STIMATE: variants seen among roughly 807,000 people sequenced by gnomAD.
STIMATE encodes store-operated calcium entry regulator STIMATE.
STIMATE carries 15 observed loss-of-function variants against 36.7 expected under a neutral mutation model. The ratio of observed to expected loss-of-function variants is 0.41; its 90% CI spans 0.27 to 0.63. The LOEUF (loss-of-function observed/expected upper bound fraction) is 0.63, where lower values mean the gene tolerates loss of function less well. Among genes scored for constraint, STIMATE ranks in the 20% least tolerant of loss-of-function variants. The pLI is 0.32. For missense variants in STIMATE, 305 were observed against 397.3 expected, an observed-to-expected ratio of 0.77 and a Z score of 1.98; for synonymous variants, 163 against 162.3, an observed-to-expected ratio of 1.00 and a Z score of -0.03.
At chr3:52,842,504 C>T (rs1700814263) in intron 7 of STIMATE, among the ~76,000 whole-genome samples, 1 of 152,246 alleles carries the variant, frequency 6.6e-6, no homozygotes, top group South Asian at 2.1e-4. Flanking sequence ...CTTGCCAGCT[C>T]ACCAAACAAG....
intron 1 of STIMATE, among the ~76,000 whole-genome samples, chr3:52,895,130 T>A (rs1575354686): frequency 6.6e-6 from 1 of 152,254 alleles, no homozygotes; most frequent in Non-Finnish European, 1.5e-5. Context: ...TCCTTAAGGC[T>A]ACCTTGATCT....
chr3:52,860,013 C>T (rs1444068826), intron 1 of STIMATE, among the ~76,000 whole-genome samples: 1 of 150,714 alleles, frequency 6.6e-6, no homozygotes, highest in Non-Finnish European at 1.5e-5. Context: ...TGCCTCCTTC[C>T]TCTCCACCTC....
chr3:52,843,352 T>A (rs1700837013), intron 6 of STIMATE, among the ~76,000 whole-genome samples: 1 of 152,146 alleles, frequency 6.6e-6, no homozygotes, highest in South Asian at 2.1e-4. Context: ...GTTTCTTAAC[T>A]TCGAGCCATT....
chr3:52,844,445 G>A (rs967717938), intron 5 of STIMATE, among the ~76,000 whole-genome samples: 1 of 152,254 alleles, frequency 6.6e-6, no homozygotes, highest in African/African-American at 2.4e-5. Flanking sequence ...GAAGGTCACA[G>A]ACTGTGGAAG....
chr3:52,845,064 G>A (rs773121080), intron 4 of STIMATE, 123 bp from the exon 5 acceptor site: 5 of 882,194 alleles, frequency 5.7e-6, no homozygotes, highest in African/African-American at 1.7e-5. Flanking sequence ...GGTACTTAAT[G>A]AGCCCCCCCA....
intron 4 of STIMATE, among the ~76,000 whole-genome samples, chr3:52,845,440 C>T (rs1204033385): frequency 6.6e-6 from 1 of 152,166 alleles, no homozygotes; most frequent in Non-Finnish European, 1.5e-5. Flanking sequence ...TACCCAACTC[C>T]CCGGGCCATC....
chr3:52,885,547 C>T (rs189741004), intron 1 of STIMATE, among the ~76,000 whole-genome samples: 3 of 152,216 alleles, frequency 2.0e-5, no homozygotes, highest in Non-Finnish European at 4.4e-5. Context: ...CCGTCCTGGA[C>T]GTAGTTCCAC....
intron 3 of STIMATE, among the ~76,000 whole-genome samples, chr3:52,851,606 A>T (rs1213522999): frequency 6.6e-6 from 1 of 152,248 alleles, no homozygotes; most frequent in Non-Finnish European, 1.5e-5. Flanking sequence ...TGGCAGGAGC[A>T]GCAACTGCTT....
At chr3:52,859,531 A>AAAATTTTT (rs748928249) in intron 1 of STIMATE, among the ~76,000 whole-genome samples, 1 of 18,810 alleles carries the variant, frequency 5.3e-5, no homozygotes, top group Admixed American at 1.2e-3. Context: ...AAAAAAAAAA[A>AAAATTTTT]TTTTTTTTTT....
chr3:52,888,549 G>C (rs951547052), intron 1 of STIMATE, among the ~76,000 whole-genome samples: 7 of 152,196 alleles, frequency 4.6e-5, no homozygotes, highest in African/African-American at 1.7e-4. Context: ...TATTCCTATA[G>C]GACAGTGTCT....
chr3:52,850,627 G>T (rs757916624), intron 3 of STIMATE, among the ~76,000 whole-genome samples: 10 of 152,234 alleles, frequency 6.6e-5, no homozygotes, highest in Admixed American at 1.3e-4. Context: ...CTGCACCAGA[G>T]AGGTTCAGGA....
chr3:52,860,902 A>G lies in STIMATE; in HGVS notation c.161-5458T>C, dbSNP rs1701206490. On this transcript the variant is annotated intron_variant, in intron 1 of 7. Coordinates refer to ENST00000355083, the MANE Select transcript of STIMATE (RefSeq NM_198563.5). ...AAGGAGGGGTCTCTGTGTACCTCAC[A>G]GACAGTAAGCCAGGCACCCTGTCCC... Among the ~76,000 whole-genome samples, 4 of 152,196 alleles carry G rather than the reference A, an allele frequency of 2.6e-5. No individual in the cohort carries two copies. The East Asian group carries it at 7.7e-4, about 29-fold the overall frequency.
chr3:52,888,444 C>T (rs1276006251), intron 1 of STIMATE, among the ~76,000 whole-genome samples: 3 of 152,190 alleles, frequency 2.0e-5, no homozygotes, highest in Non-Finnish European at 4.4e-5. Flanking sequence ...AAACTCTGTA[C>T]CCAAATAGAA....
At chr3:52,868,965 C>G (rs948615892) in intron 1 of STIMATE, among the ~76,000 whole-genome samples, 3 of 152,136 alleles carry the variant, frequency 2.0e-5, no homozygotes, top group African/African-American at 7.2e-5. Context: ...TTCTGACAAC[C>G]CGGCAAAGTA....
chr3:52,866,223 A>G lies in STIMATE; in HGVS notation c.161-10779T>C, dbSNP rs146370828. On this transcript the variant is annotated intron_variant, in intron 1 of 7. Coordinates refer to ENST00000355083, the MANE Select transcript of STIMATE (RefSeq NM_198563.5). ...ACTCCCACTAATAGCACGAGTACCC[A>G]TTCCCACATTCTTGCCAGCATGGTG... Among the ~76,000 whole-genome samples, 1,090 of 152,320 alleles carry G rather than the reference A, an allele frequency of 7.2e-3. 113 individuals are homozygous for G. In the South Asian group the frequency reaches 0.2, roughly 28 times the overall value.
At chr3:52,847,413 G>A in intron 4 of STIMATE, 4 of 1,281,736 alleles carry the variant, frequency 3.1e-6, no homozygotes, top group Non-Finnish European at 4.1e-6. Context: ...AGATGTCAGG[G>A]CTTCCACATG....
intron 1 of STIMATE, among the ~76,000 whole-genome samples, chr3:52,878,069 G>A (rs969972401): frequency 6.6e-6 from 1 of 150,970 alleles, no homozygotes; most frequent in Admixed American, 6.6e-5. Flanking sequence ...ACTCCAGCCT[G>A]GGCGACAGAG....
intron 1 of STIMATE, among the ~76,000 whole-genome samples, chr3:52,889,894 C>G (rs779242844): frequency 6.6e-6 from 1 of 152,162 alleles, no homozygotes; most frequent in African/African-American, 2.4e-5. Flanking sequence ...TTTAAATGCA[C>G]CCGTAAAAGA....
chr3:52,843,793 G>A lies in STIMATE; in HGVS notation c.546C>T (p.Ala182=), dbSNP rs777930270. 1 of 1,613,730 alleles carries A rather than the reference G, an allele frequency of 6.2e-7. No individual in the cohort carries two copies. Among genetic ancestry groups the A allele is most frequent in the Admixed American group, 1.7e-5 (1 of 60,016 alleles). Residue 182 remains alanine (A), a synonymous_variant, in exon 6 of 8, where the codon GCC becomes GCT. Coordinates refer to ENST00000355083, the MANE Select transcript of STIMATE (RefSeq NM_198563.5). ...CTGGGTTTTCAATGGGATTCAACAG[G>A]GCCACCTGTAAAGAGAAGCAGACTC... The part of the protein sequence containing the change: ...VLLILQWKKV[A]LLNPIENPDL...
Sources: gnomAD v4.1 joint callset for allele counts (sites outside exome capture counted in the v4.1 genomes callset) on GRCh38, gnomAD v4.1.1 for gene constraint, MANE v1.5 for transcripts, NCBI Gene and HGNC (gene_info 2026-07-23, HGNC 2026-07-21) for gene names.